Variants in PYY observed in about 807,000 individuals in gnomAD.
PYY encodes the protein peptide tyrosine tyrosine.
In PYY, 12 loss-of-function variants were observed where a neutral mutation model predicts 10.3. The observed-to-expected ratio is 1.17, with a 90% CI of 0.75 to 1.89. The LOEUF is 1.89. Ranked by LOEUF, PYY falls within the 40% of genes most tolerant of loss-of-function variation. PYY has a pLI of 0.00. For missense variants in PYY, 141 were observed against 134.0 expected (o/e 1.05, Z -0.26); for synonymous variants, 66 against 62.0 (o/e 1.06, Z -0.30).
chr17:43,965,789 C>CAAAAAAAAAAAAAAAAAAA (rs67609128), intron 2 of PYY, among the ~76,000 whole-genome samples: 2 of 31,924 alleles, frequency 6.3e-5, no homozygotes, highest in African/African-American at 1.1e-4. Context: ...ATCCATCTCA[C>CAAAAAAAAAAAAAAAAAAA]AAAAAAAAAA....
exon 2 of PYY, chr17:43,966,327 G>A (rs1224408484): frequency 1.3e-5 from 2 of 153,102 alleles, no homozygotes; most frequent in African/African-American, 4.8e-5. Context: ...AAATCTCCAG[G>A]GACCTCCAGC....
intron 2 of PYY, among the ~76,000 whole-genome samples, chr17:43,964,011 TAAAG>T (rs1268442093): frequency 6.6e-6 from 1 of 151,090 alleles, no homozygotes; most frequent in Non-Finnish European, 1.5e-5. Context: ...CCTGTCTCTA[TAAAG>T]AAAGTTATGT....
rs1001829867 is a variant in PYY at position 43,987,256 on chromosome 17, C to T, written c.-463+17135G>A. 2.6e-5 allele frequency among the ~76,000 whole-genome samples: 4 copies of T among 152,162 alleles called. No homozygotes were observed. The highest frequency in any genetic ancestry group is 1.3e-4 in the Admixed American group (2 of 15,268). On this transcript the variant is annotated intron_variant, in intron 1 of 6. Transcript: ENST00000360085. The surrounding 1 kb of genome is among the most constrained non-coding windows in gnomAD (Gnocchi z 4.0). Reference sequence around the variant, plus strand: ...AAATGGGGCTTCCCTCCCTCCCCGCCGCTGCTCTCTGACTTAATTACTTCT... The same window carrying T: ...AAATGGGGCTTCCCTCCCTCCCCGCTGCTGCTCTCTGACTTAATTACTTCT...
At chr17:43,954,780 A>G (rs1451554516), upstream of PYY, among the ~76,000 whole-genome samples, 1 of 152,186 alleles carries the variant, frequency 6.6e-6, no homozygotes, top group Admixed American at 6.5e-5. Context: ...GGCACATGCC[A>G]CTGTCCCCAG....
At chr17:43,971,471 G>A (rs1375120878) in intron 1 of PYY, among the ~76,000 whole-genome samples, 1 of 151,674 alleles carries the variant, frequency 6.6e-6, no homozygotes. Context: ...TCAGTAGGCT[G>A]AGGCAAGAGA....
rs2048641707 is a variant in PYY, at chr17:43,952,974, C to G, written c.276G>C (p.Glu92Asp). Reference protein sequence around the residue: ...GEDRPVRSRSEGPDLW With the variant: ...GEDRPVRSRSDGPDLW ...GGGGTCCTCACCACAGGTCTGGGCCCTCCGACCTGCGGAAGCGAAGGGGAA... is the reference window on the plus strand; with the variant it reads ...GGGGTCCTCACCACAGGTCTGGGCCGTCCGACCTGCGGAAGCGAAGGGGAA... Residue 92 changes from glutamate (E) to aspartate (D), a missense_variant, in exon 4 of 4, where the codon GAG (glutamate) becomes GAC (aspartate). Transcript: ENST00000692052. 1 of 1,566,236 alleles carries G rather than the reference C, an allele frequency of 6.4e-7. No individual in the cohort carries two copies. Among genetic ancestry groups the G allele is most frequent in the Non-Finnish European group, 8.7e-7 (1 of 1,155,806 alleles).
chr17:43,968,710 G>T (rs1240423732), intron 1 of PYY, among the ~76,000 whole-genome samples: 2 of 152,162 alleles, frequency 1.3e-5, no homozygotes, highest in African/African-American at 4.8e-5. Flanking sequence ...TACTCGGGAG[G>T]CTGAGGCAGG....
rs540220657 is a variant in PYY, at chr17:43,991,423, T to C, written c.-463+12968A>G. On this transcript the variant is annotated intron_variant, in intron 1 of 6. Coordinates refer to the PYY transcript ENST00000360085. ...TCCAGCCTGGGCAAAAAGAGTGAAA[T>C]TCCATCTCAAATAAATAAATAAATA... Among the ~76,000 whole-genome samples the C allele has an allele frequency of 4.5e-4, 68 of 151,724 alleles. 2 individuals carry two copies. The South Asian group carries it at 0.014, about 30-fold the overall frequency.
At chr17:43,960,334 G>C (rs928410958) in intron 2 of PYY, among the ~76,000 whole-genome samples, 5 of 151,372 alleles carry the variant, frequency 3.3e-5, no homozygotes, top group African/African-American at 1.2e-4. Flanking sequence ...CCTGAGATCA[G>C]GAGTTCTAGA....
chr17:44,003,208 T>A (rs963109503), intron 1 of PYY, among the ~76,000 whole-genome samples: 7 of 152,050 alleles, frequency 4.6e-5, no homozygotes, highest in African/African-American at 1.2e-4. Flanking sequence ...AATTTTTGTA[T>A]TTTTAGTAGA....
At position 43,952,878 on chromosome 17, in the gene PYY, C is replaced by A. The variant is rs1243933733; in HGVS notation, c.*78G>T. 2 of 1,440,518 alleles carry A rather than the reference C, an allele frequency of 1.4e-6. No individual in the cohort carries two copies. The highest frequency in any genetic ancestry group is 9.2e-7 in the Non-Finnish European group (1 of 1,081,530). 89.2% of individuals were successfully genotyped at this position (1,440,518 alleles called of 1,614,324 possible). A position where few individuals can be genotyped will look rare whatever the true frequency, so the allele number is the denominator to read the frequency against. ...GACGCCGCCGTCGGGAGGCAGAATC[C>A]GGGTTTCTGGGGTCGGGAGTGCGTA... is the stretch of plus-strand genomic sequence containing the variant. On this transcript the variant is annotated 3_prime_UTR_variant, in exon 4 of 4. Transcript: ENST00000692052.
At chr17:43,988,855 T>G (rs1175589236) in intron 1 of PYY, among the ~76,000 whole-genome samples, 1 of 150,852 alleles carries the variant, frequency 6.6e-6, no homozygotes, top group Non-Finnish European at 1.5e-5. Context: ...CTCCACCTCC[T>G]GGGTTCAAGT....
At chr17:43,963,261 A>G (rs2048724675) in intron 2 of PYY, among the ~76,000 whole-genome samples, 1 of 152,122 alleles carries the variant, frequency 6.6e-6, no homozygotes, top group Admixed American at 6.6e-5. Context: ...TAATCCCAGC[A>G]CTTTGGGAGG....
chr17:43,960,202 A>G (rs2048701685), intron 2 of PYY, among the ~76,000 whole-genome samples: 1 of 152,196 alleles, frequency 6.6e-6, no homozygotes. Flanking sequence ...AAGGAGCCCA[A>G]ACACCATCTA....
rs1298905206 is a variant in PYY, at chr17:43,982,900, C to T, written c.-462-16368G>A. Among the ~76,000 whole-genome samples the T allele has an allele frequency of 2.6e-5, 4 of 152,136 alleles. No individual in the cohort carries two copies. In the South Asian group the frequency reaches 8.3e-4, roughly 32 times the overall value. On this transcript the variant is annotated intron_variant, in intron 1 of 6. Transcript: ENST00000360085. ...TAAGGAGAAGGAGGAAAGTGGTGGC[C>T]CCAAGTCTGTAGCCTCCAGCAGCCA...
At position 43,965,789 on chromosome 17, in the gene PYY, C is replaced by CAAAAAAA. The variant is rs67609128; in HGVS notation, c.-218+492_-218+498dup. 5.5e-3 allele frequency among the ~76,000 whole-genome samples: 174 copies of CAAAAAAA among 31,916 alleles called. 5 individuals are homozygous for CAAAAAAA. Among genetic ancestry groups the CAAAAAAA allele is most frequent in the Middle Eastern group, 0.038 (2 of 52 alleles). 20.9% of individuals were successfully genotyped at this position (31,916 alleles called of 152,430 possible). A position where few individuals can be genotyped will look rare whatever the true frequency, so the allele number is the denominator to read the frequency against. On this transcript the variant is annotated intron_variant, in intron 2 of 6. Coordinates refer to the PYY transcript ENST00000360085. ...GGCAACAGAGTGAGAATCCATCTCA[C>CAAAAAAA]AAAAAAAAAAAAAAAAAAAAAAAAA... is the stretch of plus-strand genomic sequence containing the variant.
rs762203536 is a variant in PYY at position 43,953,189 on chromosome 17, C to G, written c.189G>C (p.Arg63=). ...TGTCCGGGCCGTCTCTTTTCCCATA[C>G]CTGGGGGCGGGGAAGGGAAGAGCGT... ...RHYLNLVTRQ[R]YGKRDGPDTL... is the part of the protein sequence containing the mutation. Residue 63 remains arginine (R), a splice_region_variant and synonymous_variant, in exon 3 of 4, where the codon CGG becomes CGC. Coordinates refer to ENST00000692052, the MANE Select transcript of PYY (RefSeq NM_001394028.1). 4.3e-6 allele frequency: 7 copies of G among 1,613,432 alleles called. No individual in the cohort carries two copies. The highest frequency in any genetic ancestry group is 1.7e-5 in the Admixed American group (1 of 59,972).
At chr17:43,996,919 G>C (rs978688386) in intron 1 of PYY, among the ~76,000 whole-genome samples, 2 of 152,022 alleles carry the variant, frequency 1.3e-5, no homozygotes, top group African/African-American at 4.8e-5. Flanking sequence ...AAATTCCTGA[G>C]CTCAAGCAAT....
intron 2 of PYY, among the ~76,000 whole-genome samples, chr17:43,963,637 A>AAAGAAAGG (rs1567928022): frequency 6.7e-6 from 1 of 149,126 alleles, no homozygotes; most frequent in Non-Finnish European, 1.5e-5. Context: ...AGAAAGAAAG[A>AAAGAAAGG]AAAGAGAGAA....
Sources: gnomAD v4.1 joint callset for allele counts (sites outside exome capture counted in the v4.1 genomes callset) on GRCh38, gnomAD v4.1.1 for gene constraint, Gnocchi (gnomAD v3.1) non-coding constraint, MANE v1.5 for transcripts, NCBI Gene and HGNC (gene_info 2026-07-23, HGNC 2026-07-21) for gene names.